Variants in SWAP70 observed in about 807,000 individuals in gnomAD.
SWAP70 encodes switching B cell complex subunit SWAP70, also known as switch-associated protein 70.
In SWAP70, 34 loss-of-function variants were observed where a neutral mutation model predicts 80.2. The observed-to-expected ratio is 0.42, with a 90% confidence interval of 0.32 to 0.56. The LOEUF (loss-of-function observed/expected upper bound fraction) is 0.56, where lower values mean the gene tolerates loss of function less well. SWAP70 is among the 20% of genes least tolerant of loss of function. The probability of loss-of-function intolerance (pLI) is 0.09; values close to 1 mark genes in which losing one functional copy is unlikely to be tolerated. For missense variants in SWAP70, 578 were observed against 690.7 expected (o/e 0.84, Z 1.83); for synonymous variants, 239 against 238.5 (o/e 1.00, Z -0.02).
intron 4 of SWAP70, 153 bp downstream of exon 4, chr11:9,725,038 C>T (rs1032602659): frequency 5.3e-5 from 33 of 617,486 alleles, no homozygotes; most frequent in South Asian, 1.9e-4. Context: ...CTTGCTCTGT[C>T]GCCCAGTCTG....
At chr11:9,729,321 C>G in intron 5 of SWAP70, 22 bp from the exon 6 acceptor site, 1 of 1,479,860 alleles carries the variant, frequency 6.8e-7, no homozygotes, top group Non-Finnish European at 9.3e-7. Context: ...TTTTGAGGAA[C>G]TAATTTTGCT....
chr11:9,675,663 C>T, intron 1 of SWAP70, among the ~76,000 whole-genome samples: 1 of 151,988 alleles, frequency 6.6e-6, no homozygotes, highest in Admixed American at 6.6e-5. Flanking sequence ...CACCCCTCTC[C>T]CCAAAAAGGG....
Position 9,727,918 on chromosome 11 carries a change from G to A in SWAP70, c.643-135G>A, listed in dbSNP as rs366397. The A allele has an allele frequency of 2.9e-3, 2,606 of 898,770 alleles. 41 individuals are homozygous for A. In the African/African-American group the frequency reaches 0.04, roughly 14 times the overall value. 55.7% of individuals were successfully genotyped at this position (898,770 alleles called of 1,614,324 possible). A position where few individuals can be genotyped will look rare whatever the true frequency, so the allele number is the denominator to read the frequency against. On this transcript the variant is annotated intron_variant, in intron 4 of 11. Coordinates refer to ENST00000318950, the MANE Select transcript of SWAP70 (RefSeq NM_015055.4). Reference sequence around the variant, plus strand: ...TAATGCCCCTCCATAGATTCTCAGAGGATCCAAGAACAATTGGTGTTCATG... The same window carrying A: ...TAATGCCCCTCCATAGATTCTCAGAAGATCCAAGAACAATTGGTGTTCATG...
At chr11:9,686,402 C>T (rs1850633410) in intron 1 of SWAP70, among the ~76,000 whole-genome samples, 1 of 132,600 alleles carries the variant, frequency 7.5e-6, no homozygotes, top group South Asian at 2.5e-4. Context: ...GCTCAGTTGC[C>T]AGAGCTGGAG....
At chr11:9,731,310 C>T (rs1459307950) in intron 6 of SWAP70, among the ~76,000 whole-genome samples, 1 of 152,074 alleles carries the variant, frequency 6.6e-6, no homozygotes, top group African/African-American at 2.4e-5. Context: ...TTTAAGAGTT[C>T]GAGGCAAATG....
At position 9,716,703 on chromosome 11, in the gene SWAP70, G is replaced by A. The variant is rs144021094; in HGVS notation, c.414+3064G>A. ...GACATATTGCATGGTGGTGGGTTTG[G>A]TACATTTGGGATTTTAGGTGGAACA... On this transcript the variant is annotated intron_variant, in intron 3 of 11. Coordinates refer to ENST00000318950, the MANE Select transcript of SWAP70 (RefSeq NM_015055.4). 4.3e-3 allele frequency among the ~76,000 whole-genome samples: 659 copies of A among 152,314 alleles called. 5 individuals carry two copies. The highest frequency in any genetic ancestry group is 7.5e-3 in the Admixed American group (115 of 15,302).
Position 9,713,584 on chromosome 11 carries a change from T to C in SWAP70, c.359T>C (p.Val120Ala). 6.2e-7 allele frequency: 1 copy of C among 1,613,972 alleles called. No homozygotes were observed. Among genetic ancestry groups the C allele is most frequent in the African/African-American group, 1.3e-5 (1 of 75,046 alleles). ...ITEEDAFKIWVIFNFLSEDKY... is the reference protein window; with the variant it reads ...ITEEDAFKIWAIFNFLSEDKY... ...GAAGAAGATGCATTTAAAATATGGG[T>C]TATTTTCAACTTTTTATCTGAGGAC... The change falls in exon 3 of 12, where the codon GTT becomes GCT. Residue 120 changes from valine (V) to alanine (A), a missense_variant. Coordinates refer to ENST00000318950, the MANE Select transcript of SWAP70 (RefSeq NM_015055.4).
At chr11:9,672,343 G>A (rs1217657761) in intron 1 of SWAP70, among the ~76,000 whole-genome samples, 1 of 148,680 alleles carries the variant, frequency 6.7e-6, no homozygotes, top group East Asian at 1.9e-4. Flanking sequence ...TGGAATAAAT[G>A]TATTTTTTAC....
intron 1 of SWAP70, among the ~76,000 whole-genome samples, chr11:9,672,805 A>C (rs1230171796): frequency 6.6e-6 from 1 of 152,122 alleles, no homozygotes. Flanking sequence ...TATATACCTA[A>C]TTTTTAACAA....
At chr11:9,695,157 G>A (rs921149789) in intron 2 of SWAP70, among the ~76,000 whole-genome samples, 1 of 152,072 alleles carries the variant, frequency 6.6e-6, no homozygotes, top group Non-Finnish European at 1.5e-5. Flanking sequence ...TAGTACGTGT[G>A]GTGGCATGCT....
At chr11:9,736,960 T>C (rs1851371103) in intron 7 of SWAP70, among the ~76,000 whole-genome samples, 1 of 152,194 alleles carries the variant, frequency 6.6e-6, no homozygotes, top group Admixed American at 6.5e-5. Context: ...CACCTGTTAA[T>C]CACTTTGGGA....
At chr11:9,712,299 T>C (rs577614133) in intron 2 of SWAP70, among the ~76,000 whole-genome samples, 1 of 152,356 alleles carries the variant, frequency 6.6e-6, no homozygotes, top group East Asian at 1.9e-4. Flanking sequence ...AACAATTCTA[T>C]TGAATTATAC....
At chr11:9,705,277 A>G (rs1324062283) in intron 2 of SWAP70, among the ~76,000 whole-genome samples, 2 of 135,712 alleles carry the variant, frequency 1.5e-5, no homozygotes, top group Non-Finnish European at 3.0e-5. Context: ...ATATGTATAC[A>G]CTGGTGATAT....
intron 2 of SWAP70, among the ~76,000 whole-genome samples, chr11:9,709,475 C>T (rs1850966949): frequency 6.6e-6 from 1 of 152,082 alleles, no homozygotes; most frequent in African/African-American, 2.4e-5. Context: ...GCCATGTGAA[C>T]TTTGTAAATG....
intron 1 of SWAP70, among the ~76,000 whole-genome samples, chr11:9,683,462 C>T (rs1416209530): frequency 6.6e-6 from 1 of 151,946 alleles, no homozygotes; most frequent in Non-Finnish European, 1.5e-5. Flanking sequence ...AATGGTATGT[C>T]AGGGACCAAA....
At position 9,732,560 on chromosome 11, in the gene SWAP70, G is replaced by T. The variant is rs773315789; in HGVS notation, c.930G>T (p.Leu310=). 4 of 1,606,694 alleles carry T rather than the reference G, an allele frequency of 2.5e-6. No homozygotes were observed. The East Asian group carries it at 9.0e-5, about 36-fold the overall frequency. The part of the protein sequence containing the change: ...AIHSTIHLLK[L]GSPPPHKEAR... Reference sequence around the variant, plus strand: ...ATTCTACTATTCATCTGTTGAAGCTGGGCAGCCCTCCACCACACAAAGAAG... The same window carrying T: ...ATTCTACTATTCATCTGTTGAAGCTTGGCAGCCCTCCACCACACAAAGAAG... The change falls in exon 7 of 12, where the codon CTG becomes CTT. Residue 310 remains leucine (L), a synonymous_variant. Coordinates refer to ENST00000318950, the MANE Select transcript of SWAP70 (RefSeq NM_015055.4).
chr11:9,752,279 G>T lies in SWAP70; in HGVS notation c.*2309G>T, dbSNP rs1213726457. 6.6e-6 allele frequency: 1 copy of T among 152,226 alleles called. No individual in the cohort carries two copies. The highest frequency in any genetic ancestry group is 1.9e-4 in the East Asian group (1 of 5,208). The allele number at this position is 152,226 out of a possible 1,614,324, so 9.4% of individuals were successfully genotyped here. ...AGCTGTAGCTGATAACATGACCTGG[G>T]GCTTAGCTGCTCTAGCCCTGGGTTC... On this transcript the variant is annotated 3_prime_UTR_variant, in exon 12 of 12. Transcript: ENST00000318950.
chr11:9,747,793 T>C, intron 9 of SWAP70, 65 bp from the exon 10 acceptor site: 1 of 1,490,822 alleles, frequency 6.7e-7, no homozygotes, highest in Admixed American at 1.7e-5. Context: ...AATGCTTCCC[T>C]CGTCTGCTGG....
rs756737564 is a variant in SWAP70 at position 9,707,464 on chromosome 11, C to A, written c.241-6002C>A. 1.8e-4 allele frequency among the ~76,000 whole-genome samples: 27 copies of A among 151,682 alleles called. No individual in the cohort carries two copies. In the East Asian group the frequency reaches 4.8e-3, roughly 27 times the overall value. Reference sequence around the variant, plus strand: ...CACTTAACATAGTGTCCTCAGGGTTCTTCCCTATTGTCACCTATGAGAGCA... The same window carrying A: ...CACTTAACATAGTGTCCTCAGGGTTATTCCCTATTGTCACCTATGAGAGCA... On this transcript the variant is annotated intron_variant, in intron 2 of 11. Coordinates refer to ENST00000318950, the MANE Select transcript of SWAP70 (RefSeq NM_015055.4).
Sources: gnomAD v4.1 joint callset for allele counts (sites outside exome capture counted in the v4.1 genomes callset) on GRCh38, gnomAD v4.1.1 for gene constraint, MANE v1.5 for transcripts, NCBI Gene and HGNC (gene_info 2026-07-23, HGNC 2026-07-21) for gene names.